The following QRSL1 variants were observed in gnomAD, a reference collection of about 807,000 sequenced individuals.
QRSL1 encodes the protein glutaminyl-tRNA amidotransferase subunit QRSL1.
A neutral mutation model predicts 61.6 loss-of-function variants in QRSL1; 54 were observed. The observed-to-expected ratio is 0.88, with a 90% CI of 0.70 to 1.10. QRSL1 has a LOEUF of 1.10. Among genes scored for constraint, QRSL1 ranks in the 50% least tolerant of loss-of-function variants. The pLI is 0.00. For missense variants in QRSL1, 505 were observed against 622.6 expected (o/e 0.81, Z 2.01); for synonymous variants, 228 against 225.7 (o/e 1.01, Z -0.09).
intron 4 of QRSL1, among the ~76,000 whole-genome samples, chr6:106,643,445 C>T (rs950447016): frequency 2.0e-5 from 3 of 152,014 alleles, no homozygotes; most frequent in South Asian, 2.1e-4. Flanking sequence ...TTTGGGAGTC[C>T]GAGGCAGGTG....
intron 1 of QRSL1, among the ~76,000 whole-genome samples, chr6:106,638,233 A>G (rs536513662): frequency 1.6e-4 from 25 of 152,068 alleles, no homozygotes; most frequent in South Asian, 1.4e-3. Context: ...TTCCCATTCC[A>G]TATACATGAT....
chr6:106,663,253 A>G, intron 10 of QRSL1, 68 bp downstream of exon 10: 1 of 1,479,136 alleles, frequency 6.8e-7, no homozygotes, highest in Non-Finnish European at 9.4e-7. Flanking sequence ...TCTTCAACTT[A>G]AGATTCTAGC....
At chr6:106,659,946 TCATA>T (rs1777329959) in intron 9 of QRSL1, among the ~76,000 whole-genome samples, 1 of 152,202 alleles carries the variant, frequency 6.6e-6, no homozygotes, top group Non-Finnish European at 1.5e-5. Flanking sequence ...TCTCATGCAC[TCATA>T]GATCAGTACT....
intron 1 of QRSL1, among the ~76,000 whole-genome samples, chr6:106,634,156 G>A (rs1204597810): frequency 6.6e-6 from 1 of 152,156 alleles, no homozygotes; most frequent in East Asian, 1.9e-4. Context: ...AGAGAATAGT[G>A]TTCCAGGCAG....
intron 1 of QRSL1, among the ~76,000 whole-genome samples, chr6:106,636,354 C>T (rs1259175494): frequency 6.7e-6 from 1 of 148,632 alleles, no homozygotes; most frequent in African/African-American, 2.5e-5. Context: ...CGGAGTCTCG[C>T]TCTGTCTCCA....
At chr6:106,642,489 C>T in intron 3 of QRSL1, 1 of 683,064 alleles carries the variant, frequency 1.5e-6, no homozygotes, top group Admixed American at 1.8e-5. Context: ...AGAGGAGAGG[C>T]ACCCAATATG....
At chr6:106,646,896 C>T (rs1777113287) in intron 4 of QRSL1, among the ~76,000 whole-genome samples, 2 of 151,566 alleles carry the variant, frequency 1.3e-5, no homozygotes, top group Admixed American at 6.6e-5. Context: ...GGCGTGGTGG[C>T]GAGCGCCTGT....
intron 10 of QRSL1, among the ~76,000 whole-genome samples, chr6:106,663,617 G>C (rs1038684982): frequency 2.0e-5 from 3 of 152,160 alleles, no homozygotes; most frequent in Non-Finnish European, 2.9e-5. Context: ...ACAGCACCAA[G>C]GGGAATGGTG....
chr6:106,650,869 A>G (rs1366399651), intron 5 of QRSL1, among the ~76,000 whole-genome samples: 1 of 152,208 alleles, frequency 6.6e-6, no homozygotes, highest in Non-Finnish European at 1.5e-5. Context: ...ATAGTTATAT[A>G]ATATTTTAAT....
chr6:106,633,914 C>CT (rs1267648675), intron 1 of QRSL1, among the ~76,000 whole-genome samples: 5 of 150,216 alleles, frequency 3.3e-5, no homozygotes, highest in East Asian at 2.0e-4. Context: ...TGAAACCTAA[C>CT]TTTTTTGTGT....
Position 106,652,193 on chromosome 6 carries a change from T to C in QRSL1, c.558-16T>C, listed in dbSNP as rs761993144. On this transcript the variant is annotated splice_polypyrimidine_tract_variant and intron_variant, in intron 5 of 10. Transcript: ENST00000369046. ...GATATATCATTCTTCTAAAGATAAT[T>C]CCATTTAAATTCCAGGGCTTTAGGA... 6 of 1,596,776 alleles carry C rather than the reference T, an allele frequency of 3.8e-6. No homozygotes were observed. The East Asian group carries it at 8.9e-5, about 24-fold the overall frequency.
chr6:106,639,111 G>GT lies in QRSL1; in HGVS notation c.25-1234dup, dbSNP rs1562164982. Among the ~76,000 whole-genome samples, 57 of 60,744 alleles carry GT rather than the reference G, an allele frequency of 9.4e-4. 4 individuals are homozygous for GT. Among genetic ancestry groups the GT allele is most frequent in the African/African-American group, 3.5e-3 (53 of 14,932 alleles). 39.9% of individuals were successfully genotyped at this position (60,744 alleles called of 152,430 possible). A position where few individuals can be genotyped will look rare whatever the true frequency, so the allele number is the denominator to read the frequency against. On this transcript the variant is annotated intron_variant, in intron 1 of 10. Coordinates refer to ENST00000369046, the MANE Select transcript of QRSL1 (RefSeq NM_018292.5). ...ACCTAACTTGTGTGGTTATTTGTGT[G>GT]TTTTGTTGTTTTTTTTTTTTTTTTT...
chr6:106,634,646 G>A (rs2114697787), intron 1 of QRSL1, among the ~76,000 whole-genome samples: 1 of 152,090 alleles, frequency 6.6e-6, no homozygotes, highest in Middle Eastern at 3.4e-3. Context: ...CATGCCTTTA[G>A]TCCCAGCTGC....
rs111609677 is a variant in QRSL1 at position 106,629,722 on chromosome 6, C to T, written c.24+17C>T. The T allele has an allele frequency of 9.7e-4, 1,553 of 1,601,432 alleles. 13 individuals carry two copies. The African/African-American group carries it at 0.017, about 18-fold the overall frequency. On this transcript the variant is annotated intron_variant, in intron 1 of 10. Coordinates refer to ENST00000369046, the MANE Select transcript of QRSL1 (RefSeq NM_018292.5). Reference sequence around the variant, plus strand: ...CTCCGAGAAGTGAGTGGAATTGGCCCGCTGAGGCCCCCGGGAGGGCGGAAA... The same window carrying T: ...CTCCGAGAAGTGAGTGGAATTGGCCTGCTGAGGCCCCCGGGAGGGCGGAAA...
intron 4 of QRSL1, 85 bp from the exon 5 acceptor site, chr6:106,648,940 C>T: frequency 1.4e-6 from 2 of 1,404,716 alleles, no homozygotes; most frequent in Non-Finnish European, 9.6e-7. Flanking sequence ...CAATGAGTGT[C>T]AGAAGCAAAT....
intron 1 of QRSL1, among the ~76,000 whole-genome samples, chr6:106,636,644 A>T (rs1010939623): frequency 6.6e-6 from 1 of 152,016 alleles, no homozygotes; most frequent in Non-Finnish European, 1.5e-5. Context: ...TAGCTATGTG[A>T]CCTCAGGTAG....
At position 106,631,938 on chromosome 6, in the gene QRSL1, C is replaced by T. The variant is rs577470315; in HGVS notation, c.24+2233C>T. 2.0e-5 allele frequency among the ~76,000 whole-genome samples: 3 copies of T among 152,258 alleles called. No homozygotes were observed. In the East Asian group the frequency reaches 5.8e-4, roughly 29 times the overall value. On this transcript the variant is annotated intron_variant, in intron 1 of 10. Transcript: ENST00000369046. ...GTCTAACTATATTTTGTACCCATTA[C>T]CCATCCCCACTTCCCACCCCTACTA...
At position 106,643,002 on chromosome 6, in the gene QRSL1, C is replaced by G. The variant is rs775077368; in HGVS notation, c.292C>G (p.Pro98Ala). Residue 98 changes from proline (P) to alanine (A), a missense_variant, in exon 4 of 11, where the codon CCA (proline) becomes GCA (alanine). Pro to Ala is a conservative substitution (Grantham distance 27, BLOSUM62 -1). Transcript: ENST00000369046. ...AACTAAATTTTTTTCAGGTTATATA[C>G]CACCTTATAATGCTACAGTAGTTCA... is the stretch of plus-strand genomic sequence containing the variant. ...CASNMLKGYI[P>A]PYNATVVQKL... 3 of 1,604,114 alleles carry G rather than the reference C, an allele frequency of 1.9e-6. No individual in the cohort carries two copies. The Admixed American group carries it at 5.2e-5, about 28-fold the overall frequency.
intron 7 of QRSL1, chr6:106,653,653 G>A (rs1777219630): frequency 6.6e-6 from 1 of 151,858 alleles, no homozygotes; most frequent in African/African-American, 2.4e-5. Flanking sequence ...AGAGCCCTAT[G>A]TCTACAAAAA....
Sources: gnomAD v4.1 joint callset for allele counts (sites outside exome capture counted in the v4.1 genomes callset) on GRCh38, gnomAD v4.1.1 for gene constraint, MANE v1.5 for transcripts, NCBI Gene and HGNC (gene_info 2026-07-23, HGNC 2026-07-21) for gene names.